ACYP2: variants seen among roughly 807,000 people sequenced by gnomAD.
ACYP2 encodes acylphosphatase 2, also known as acylphosphatase-2.
In ACYP2, 12 loss-of-function variants were observed where a neutral mutation model predicts 11.2. The ratio of observed to expected loss-of-function variants is 1.08; its 90% CI spans 0.69 to 1.74. The LOEUF is 1.74. Ranked by LOEUF, ACYP2 falls within the 40% of genes most tolerant of loss-of-function variation. ACYP2 has a pLI of 0.00. For missense variants in ACYP2, 134 were observed against 101.9 expected (o/e 1.31, Z -1.35); for synonymous variants, 43 against 32.2 (o/e 1.33, Z -1.13).
At chr2:54,082,807 G>A (rs1172497259) in intron 4 of ACYP2, 1 of 152,234 alleles carries the variant, frequency 6.6e-6, no homozygotes, top group African/African-American at 2.4e-5. Context: ...CAGGCACAGA[G>A]GCTCATGCCT....
rs138812389 is a variant in ACYP2 at position 54,266,590 on chromosome 2, C to CTTTTTTTTT, written c.405-38073_405-38065dup. ...TAGATAGATATAGATATCTATCTAT[C>CTTTTTTTTT]TTTTTTTTTTTTTTTTTTTTTTTTT... On this transcript the variant is annotated intron_variant, in intron 6 of 6. Transcript: ENST00000607452. Among the ~76,000 whole-genome samples the CTTTTTTTTT allele has an allele frequency of 2.1e-3, 112 of 52,268 alleles. 16 individuals are homozygous for CTTTTTTTTT. The highest frequency in any genetic ancestry group is 2.8e-3 in the East Asian group (4 of 1,430). 34.3% of individuals were successfully genotyped at this position (52,268 alleles called of 152,430 possible).
At chr2:54,097,101 A>T (rs961451662) in intron 4 of ACYP2, among the ~76,000 whole-genome samples, 1 of 152,238 alleles carries the variant, frequency 6.6e-6, no homozygotes, top group Admixed American at 6.5e-5. Flanking sequence ...AAAAGGGTTT[A>T]TAATATCTTT....
At chr2:54,225,892 A>G (rs763787764) in intron 6 of ACYP2, among the ~76,000 whole-genome samples, 13 of 152,190 alleles carry the variant, frequency 8.5e-5, no homozygotes, top group Non-Finnish European at 1.5e-4. Flanking sequence ...GAAGATGCCA[A>G]TAGTATAAGT....
intron 4 of ACYP2, among the ~76,000 whole-genome samples, chr2:54,058,716 T>C (rs1352530938): frequency 1.3e-5 from 2 of 151,574 alleles, no homozygotes; most frequent in Non-Finnish European, 2.9e-5. Context: ...ATAATTTTTT[T>C]TTTTTTTTTT....
At chr2:54,097,145 T>G (rs746138770) in intron 4 of ACYP2, among the ~76,000 whole-genome samples, 15 of 152,228 alleles carry the variant, frequency 9.9e-5, no homozygotes, top group Non-Finnish European at 2.1e-4. Context: ...AAGGTTACCT[T>G]TTTCAATGAG....
intron 2 of ACYP2, among the ~76,000 whole-genome samples, chr2:53,979,022 C>T (rs1671625501): frequency 6.6e-6 from 1 of 151,816 alleles, no homozygotes; most frequent in Non-Finnish European, 1.5e-5. Context: ...TATACTATAC[C>T]TTGTATTGTT....
intron 4 of ACYP2, among the ~76,000 whole-genome samples, chr2:54,130,159 T>G (rs995065744): frequency 1.3e-5 from 2 of 151,988 alleles, no homozygotes; most frequent in Non-Finnish European, 2.9e-5. Context: ...GCAAGAAACA[T>G]GGGGTGCATT....
intron 6 of ACYP2, among the ~76,000 whole-genome samples, chr2:54,202,295 G>A (rs1684871428): frequency 7.3e-6 from 1 of 136,910 alleles, no homozygotes; most frequent in South Asian, 2.8e-4. Context: ...TTTCAGTAGA[G>A]ACGGAGTTTC....
chr2:54,115,976 C>T (rs1679764554), intron 4 of ACYP2, among the ~76,000 whole-genome samples: 1 of 150,126 alleles, frequency 6.7e-6, no homozygotes, highest in African/African-American at 2.5e-5. Flanking sequence ...AGTGGGGGAG[C>T]GGGAGAGGAG....
At chr2:54,010,850 G>C (rs1397073257) in intron 2 of ACYP2, among the ~76,000 whole-genome samples, 1 of 141,600 alleles carries the variant, frequency 7.1e-6, no homozygotes, top group Non-Finnish European at 1.5e-5. Context: ...TGTATTTTCA[G>C]TAGAGACCAG....
chr2:54,291,902 G>T (rs546719087), intron 6 of ACYP2, among the ~76,000 whole-genome samples: 5 of 152,326 alleles, frequency 3.3e-5, no homozygotes, highest in Non-Finnish European at 5.9e-5. Flanking sequence ...TGGTCTGGTA[G>T]AAACTTTAGG....
intron 6 of ACYP2, among the ~76,000 whole-genome samples, chr2:54,235,278 G>GT (rs34554365): frequency 0.013 from 1,934 of 148,508 alleles, 39 homozygotes; most frequent in African/African-American, 0.043. Flanking sequence ...TATAAGACAG[G>GT]TTTTTTTTTT....
rs111363964 is a variant in ACYP2, at chr2:53,971,135, C to A, written c.-223C>A. The A allele has an allele frequency of 1.8e-5, 4 of 219,994 alleles. No homozygotes were observed. The highest frequency in any genetic ancestry group is 1.5e-3 in the Middle Eastern group (1 of 686). 13.6% of individuals were successfully genotyped at this position (219,994 alleles called of 1,614,324 possible). ...GGTGGTGGCGGCAGCTGGAGCCCAA[C>A]GGGCTGCGCCTTCTTCGCCGTGGGC... On this transcript the variant is annotated 5_prime_UTR_variant, in exon 1 of 7. Transcript: ENST00000607452.
intron 2 of ACYP2, among the ~76,000 whole-genome samples, chr2:54,027,842 T>C (rs866438215): frequency 2.4e-3 from 348 of 142,908 alleles, no homozygotes; most frequent in African/African-American, 7.7e-3. Context: ...TCTTTCTTTT[T>C]TTTTTTTTTT....
chr2:54,115,971 G>C (rs9808326), intron 4 of ACYP2, among the ~76,000 whole-genome samples: 85,729 of 150,600 alleles, frequency 0.57, 24,608 homozygotes, highest in East Asian at 0.71. Flanking sequence ...AGGGAAGTGG[G>C]GGAGCGGGAG....
intron 4 of ACYP2, among the ~76,000 whole-genome samples, chr2:54,091,388 G>A (rs1418664505): frequency 6.6e-6 from 1 of 152,008 alleles, no homozygotes; most frequent in Non-Finnish European, 1.5e-5. Context: ...TATCCATGAA[G>A]GTAAATAACA....
At chr2:54,254,018 C>G (rs1039544285) in intron 6 of ACYP2, 1 of 152,122 alleles carries the variant, frequency 6.6e-6, no homozygotes, top group Non-Finnish European at 1.5e-5. Flanking sequence ...TCTGGCACTT[C>G]ATTAGGTTCA....
intron 4 of ACYP2, among the ~76,000 whole-genome samples, chr2:54,131,759 C>G (rs1194081736): frequency 6.6e-6 from 1 of 152,118 alleles, no homozygotes. Context: ...AATATAAACT[C>G]TTTTCAAATC....
chr2:54,045,275 C>G (rs1198315747), intron 2 of ACYP2, among the ~76,000 whole-genome samples: 3 of 152,180 alleles, frequency 2.0e-5, no homozygotes, highest in African/African-American at 4.8e-5. Flanking sequence ...AAACCCCAGC[C>G]TACAATTCCT....
Sources: gnomAD v4.1 joint callset for allele counts (sites outside exome capture counted in the v4.1 genomes callset) on GRCh38, gnomAD v4.1.1 for gene constraint, MANE v1.5 for transcripts, NCBI Gene and HGNC (gene_info 2026-07-23, HGNC 2026-07-21) for gene names.